The following ZNF81 variants were observed in gnomAD, a reference collection of about 807,000 sequenced individuals.
ZNF81 encodes the protein zinc finger protein 81.
A neutral mutation model predicts 32.3 loss-of-function variants in ZNF81; 5 were observed. That is an observed-to-expected ratio of 0.15 (90% CI 0.08 to 0.33). The LOEUF is 0.33. Among genes scored for constraint, ZNF81 ranks in the 10% least tolerant of loss-of-function variants. The probability of loss-of-function intolerance (pLI) is 1.00; values close to 1 mark genes in which losing one functional copy is unlikely to be tolerated. For missense variants in ZNF81, 379 were observed against 479.8 expected (o/e 0.79, Z 1.96); for synonymous variants, 163 against 166.8 (o/e 0.98, Z 0.17).
At chrX:47,861,917 C>T (rs2058541932) in intron 2 of ZNF81, among the ~76,000 whole-genome samples, 1 of 112,021 alleles carries the variant, frequency 8.9e-6, no homozygotes, top group Admixed American at 9.4e-5. Flanking sequence ...GTTTCCAGGG[C>T]CAAGGTAGCA....
intron 2 of ZNF81, 49 bp downstream of exon 2, chrX:47,846,370 T>A: frequency 8.5e-7 from 1 of 1,172,134 alleles, no homozygotes. Context: ...TCCACAGCCC[T>A]GAAGGAAAGA....
At chrX:47,843,139 C>G (rs2058456684) in intron 1 of ZNF81, among the ~76,000 whole-genome samples, 1 of 111,316 alleles carries the variant, frequency 9.0e-6, no homozygotes, top group African/African-American at 3.3e-5. Context: ...TAAGGCTCTT[C>G]CATGATGTAA....
At chrX:47,879,708 T>A (rs964180335) in intron 2 of ZNF81, among the ~76,000 whole-genome samples, 1 of 112,214 alleles carries the variant, frequency 8.9e-6, no homozygotes, top group Non-Finnish European at 1.9e-5. Context: ...GGAGACTCTG[T>A]CTTCCAGGGC....
intron 2 of ZNF81, among the ~76,000 whole-genome samples, chrX:47,853,552 GTTGT>G (rs1225407895): frequency 4.5e-5 from 5 of 110,313 alleles, no homozygotes; most frequent in African/African-American, 1.7e-4. Context: ...CTTTTTTGTT[GTTGT>G]TTGTTTGTTT....
At chrX:47,844,227 T>A (rs782537079) in intron 1 of ZNF81, among the ~76,000 whole-genome samples, 1 of 112,435 alleles carries the variant, frequency 8.9e-6, no homozygotes, top group East Asian at 2.8e-4. Flanking sequence ...TTTAGTATAT[T>A]AACAGAGTTG....
At chrX:47,844,861 T>C (rs2058464280) in intron 1 of ZNF81, among the ~76,000 whole-genome samples, 1 of 112,609 alleles carries the variant, frequency 8.9e-6, no homozygotes, top group African/African-American at 3.2e-5. Flanking sequence ...TTTCTTCTTA[T>C]GTTAGCCATT....
chrX:47,899,671 T>G (rs1427979403), intron 4 of ZNF81, among the ~76,000 whole-genome samples: 1 of 111,881 alleles, frequency 8.9e-6, no homozygotes, highest in Non-Finnish European at 1.9e-5. Context: ...GATTATTATT[T>G]CTTTTAATGT....
intron 3 of ZNF81, among the ~76,000 whole-genome samples, chrX:47,894,178 A>G (rs2058672067): frequency 9.0e-6 from 1 of 111,720 alleles, no homozygotes; most frequent in African/African-American, 3.3e-5. Context: ...GTCGATGGAA[A>G]ATGACTAATG....
rs782586940 is a variant in ZNF81, at chrX:47,883,446, T to G, written c.55-4553T>G. Among the ~76,000 whole-genome samples the G allele has an allele frequency of 1.9e-4, 21 of 112,485 alleles. No homozygotes were observed. In the East Asian group the frequency reaches 4.2e-3, roughly 22 times the overall value. On this transcript the variant is annotated intron_variant, in intron 2 of 4. Coordinates refer to ENST00000338637, the MANE Select transcript of ZNF81 (RefSeq NM_007137.5). ...GATTTTCTTTTATGGCTGGGGCTTT[T>G]TCTACTATGTCAAGAAATCCATGCT... is the stretch of plus-strand genomic sequence containing the variant.
At chrX:47,888,272 A>G in intron 3 of ZNF81, 147 bp downstream of exon 3, 1 of 831,885 alleles carries the variant, frequency 1.2e-6, no homozygotes, top group Non-Finnish European at 1.7e-6. Context: ...TAATCAAGCT[A>G]AAATGAGATC....
chrX:47,916,101 C>T lies in ZNF81; in HGVS notation c.1455C>T (p.Leu485=), dbSNP rs1556890777. 5.8e-6 allele frequency: 7 copies of T among 1,209,282 alleles called. No individual in the cohort carries two copies. Among genetic ancestry groups the T allele is most frequent in the South Asian group, 1.8e-5 (1 of 56,775 alleles). The part of the protein sequence containing the change: ...CGKSFPSKSQ[L]QMHKRIHTGE... ...AATCTTTCCCTTCTAAGTCACAACTCCAGATGCATAAGAGAATTCATACAG... is the reference window on the plus strand; with the variant it reads ...AATCTTTCCCTTCTAAGTCACAACTTCAGATGCATAAGAGAATTCATACAG... Residue 485 remains leucine (L), a synonymous_variant, in exon 5 of 5, where the codon CTC becomes CTT. Transcript: ENST00000338637.
chrX:47,907,920 C>A (rs1016542410), intron 4 of ZNF81, among the ~76,000 whole-genome samples: 1 of 111,657 alleles, frequency 9.0e-6, no homozygotes, highest in African/African-American at 3.2e-5. Flanking sequence ...TATCCACAAA[C>A]AAAGCTCTCA....
rs2058787164 is a variant in ZNF81, at chrX:47,925,206, G to T, written c.*8574G>T. On this transcript the variant is annotated 3_prime_UTR_variant, in exon 5 of 5. Transcript: ENST00000338637. ...ACTTGTTTAAAGTGTACAATTTGAT[G>T]AGTTTTGACGTGTGCACCTTTCCAA... is the stretch of plus-strand genomic sequence containing the variant. Among the ~76,000 whole-genome samples the T allele has an allele frequency of 1.8e-5, 2 of 111,488 alleles. 1 individual carries two copies. Among genetic ancestry groups the T allele is most frequent in the Admixed American group, 1.9e-4 (2 of 10,481 alleles).
chrX:47,851,218 G>C (rs1056198887), intron 2 of ZNF81, among the ~76,000 whole-genome samples: 1 of 112,246 alleles, frequency 8.9e-6, no homozygotes. Flanking sequence ...TAACACAAGA[G>C]AGAGTATGTT....
chrX:47,912,425 C>A (rs370324295), intron 4 of ZNF81, among the ~76,000 whole-genome samples: 72 of 102,539 alleles, frequency 7.0e-4, no homozygotes, highest in African/African-American at 2.6e-3. Flanking sequence ...ATAATTTATT[C>A]ATGTTAAAAT....
Position 47,888,075 on chromosome X carries a change from G to A in ZNF81, c.131G>A (p.Arg44His), listed in dbSNP as rs782256798. ...EWQQLDSTQRRLYQDVMLENY... is the reference protein window; with the variant it reads ...EWQQLDSTQRHLYQDVMLENY... ...CAGCAACTGGACTCTACTCAAAGAC[G>A]CCTGTACCAGGATGTAATGTTGGAG... The change falls in exon 3 of 5, where the codon CGC (arginine) becomes CAC (histidine). Residue 44 changes from arginine (R) to histidine (H), a missense_variant. Arg to His is a conservative substitution (Grantham distance 29). Around this residue, in one of 2 missense-constraint regions of ZNF81, gnomAD observed 277 missense variants for 306.6 expected, o/e 0.90. Coordinates refer to ENST00000338637, the MANE Select transcript of ZNF81 (RefSeq NM_007137.5). 21 of 1,208,216 alleles carry A rather than the reference G, an allele frequency of 1.7e-5. No homozygotes were observed. The East Asian group carries it at 2.1e-4, about 12-fold the overall frequency.
At chrX:47,877,043 A>T (rs1556884621) in intron 2 of ZNF81, among the ~76,000 whole-genome samples, 1 of 112,194 alleles carries the variant, frequency 8.9e-6, no homozygotes, top group Admixed American at 9.4e-5. Flanking sequence ...CATTCACAGC[A>T]CAAGCATGTA....
chrX:47,916,236 A>G lies in ZNF81; in HGVS notation c.1590A>G (p.Glu530=). 1 of 1,211,801 alleles carries G rather than the reference A, an allele frequency of 8.3e-7. No homozygotes were observed. The highest frequency in any genetic ancestry group is 3.0e-5 in the East Asian group (1 of 33,851). The change falls in exon 5 of 5, where the codon GAA becomes GAG. Residue 530 remains glutamate (E), a synonymous_variant. Transcript: ENST00000338637. ...HTGEKSYICA[E]CGKAFTDRSN... ...GAGAAAAGTCTTATATATGTGCTGA[A>G]TGTGGGAAGGCCTTCACCGACAGGT...
At chrX:47,908,728 A>T (rs2058729165) in intron 4 of ZNF81, among the ~76,000 whole-genome samples, 1 of 112,238 alleles carries the variant, frequency 8.9e-6, no homozygotes, top group South Asian at 3.7e-4. Flanking sequence ...TGTTACAAGA[A>T]CTTGGGCGAA....
Sources: allele counts gnomAD v4.1 joint callset (sites outside exome capture counted in the v4.1 genomes callset), GRCh38; gene constraint gnomAD v4.1.1; regional missense constraint gnomAD v4.1.1; transcripts MANE v1.5; gene names NCBI Gene and HGNC (gene_info 2026-07-23, HGNC 2026-07-21).